Variants in GNG7 observed in about 807,000 individuals in gnomAD.
The protein encoded by GNG7 is guanine nucleotide-binding protein G(I)/G(S)/G(O) subunit gamma-7.
In GNG7, 1 loss-of-function variant was observed where a neutral mutation model predicts 4.0. That is an observed-to-expected ratio of 0.25 (90% confidence interval 0.09 to 1.18). GNG7 has a LOEUF of 1.18. Ranked by LOEUF, GNG7 falls within the 50% of genes most tolerant of loss-of-function variation. The pLI, the probability that GNG7 is intolerant of heterozygous loss-of-function variation, is 0.50. For synonymous variants in GNG7, 34 were observed against 36.9 expected (o/e 0.92, Z 0.29); for missense variants, 86 against 91.9 (o/e 0.94, Z 0.26).
intron 1 of GNG7, among the ~76,000 whole-genome samples, chr19:2,696,356 A>AAAAG (rs1310428837): frequency 6.8e-6 from 1 of 146,716 alleles, no homozygotes; most frequent in African/African-American, 2.7e-5. Context: ...GAAAAGAAAG[A>AAAAG]AAAGAAAGAA....
chr19:2,592,975 GGAGA>G (rs1453213156), intron 2 of GNG7, among the ~76,000 whole-genome samples: 1 of 145,108 alleles, frequency 6.9e-6, no homozygotes, highest in Non-Finnish European at 1.5e-5. Context: ...AGGGAGGGAG[GGAGA>G]GAGGGACGGA....
At chr19:2,594,489 G>A (rs1980956326) in intron 2 of GNG7, among the ~76,000 whole-genome samples, 1 of 152,016 alleles carries the variant, frequency 6.6e-6, no homozygotes, top group Non-Finnish European at 1.5e-5. Flanking sequence ...ACATATAGTG[G>A]AAAATTTCAA....
chr19:2,638,908 T>TA (rs1282650329), intron 2 of GNG7, among the ~76,000 whole-genome samples: 1 of 151,694 alleles, frequency 6.6e-6, no homozygotes, highest in African/African-American at 2.4e-5. Context: ...AAGAGATCCA[T>TA]AAAAAAAACA....
At chr19:2,586,984 CAAAAAAAAA>C (rs756891397) in intron 2 of GNG7, among the ~76,000 whole-genome samples, 231 of 48,750 alleles carry the variant, frequency 4.7e-3, no homozygotes, top group African/African-American at 0.016. Flanking sequence ...GACTCCATCT[CAAAAAAAAA>C]AAAAAAAAAA....
intron 2 of GNG7, among the ~76,000 whole-genome samples, chr19:2,574,104 G>A (rs1163883328): frequency 1.3e-5 from 2 of 152,176 alleles, no homozygotes; most frequent in Non-Finnish European, 2.9e-5. Flanking sequence ...CTGGGCTGGT[G>A]CAGTCCAGGT....
chr19:2,583,561 C>T (rs1192228739), intron 2 of GNG7, among the ~76,000 whole-genome samples: 1 of 152,228 alleles, frequency 6.6e-6, no homozygotes, highest in Non-Finnish European at 1.5e-5. Context: ...GCATTCCCAC[C>T]TTCTAGAGTG....
intron 3 of GNG7, among the ~76,000 whole-genome samples, chr19:2,529,248 A>C (rs945105551): frequency 6.6e-6 from 1 of 151,956 alleles, no homozygotes; most frequent in African/African-American, 2.4e-5. Context: ...ATGATGGCTC[A>C]CTCTGTCGCC....
intron 3 of GNG7, among the ~76,000 whole-genome samples, chr19:2,539,628 C>T (rs1202727248): frequency 6.6e-6 from 1 of 152,008 alleles, no homozygotes; most frequent in Non-Finnish European, 1.5e-5. Flanking sequence ...TAGACACATA[C>T]GATATCCAAT....
intron 4 of GNG7, among the ~76,000 whole-genome samples, chr19:2,515,665 A>G (rs1049392181): frequency 7.2e-5 from 11 of 151,772 alleles, no homozygotes; most frequent in African/African-American, 2.7e-4. Context: ...TGACCTCGCG[A>G]TATGCCTGCC....
intron 1 of GNG7, among the ~76,000 whole-genome samples, 173 bp from the exon 2 acceptor site, chr19:2,646,453 C>T (rs979730885): frequency 5.3e-5 from 8 of 152,248 alleles, no homozygotes; most frequent in African/African-American, 1.9e-4. Context: ...TTTGGGAGGC[C>T]AAGGCAGGTG....
intron 2 of GNG7, among the ~76,000 whole-genome samples, chr19:2,590,370 G>A (rs1373812985): frequency 6.6e-6 from 1 of 152,130 alleles, no homozygotes; most frequent in Non-Finnish European, 1.5e-5. Context: ...GCTTAGAAAT[G>A]GTAGAATTGT....
intron 2 of GNG7, among the ~76,000 whole-genome samples, chr19:2,603,121 C>G (rs543629488): frequency 6.6e-6 from 1 of 151,934 alleles, no homozygotes; most frequent in East Asian, 1.9e-4. Flanking sequence ...GGCTGGAGCA[C>G]AATAGCACAG....
intron 2 of GNG7, among the ~76,000 whole-genome samples, chr19:2,588,074 G>A (rs191656485): frequency 2.6e-5 from 4 of 152,326 alleles, no homozygotes; most frequent in Admixed American, 6.5e-5. Context: ...ATTGGAGCAA[G>A]AGAAGAAAAA....
chr19:2,536,144 G>A (rs960178040), intron 3 of GNG7, among the ~76,000 whole-genome samples: 10 of 152,064 alleles, frequency 6.6e-5, no homozygotes, highest in East Asian at 3.9e-4. Flanking sequence ...AAGGCCGGGC[G>A]CGGTGGCTCC....
Position 2,512,370 on chromosome 19 carries a change from A to G in GNG7, c.*2652T>C. ...CTACTCAAGAAAAAAAAAAGTGGAG[A>G]ATTTTTTTTTTAATCCCCCAAGCTA... On this transcript the variant is annotated 3_prime_UTR_variant, in exon 5 of 5. Coordinates refer to ENST00000382159, the MANE Select transcript of GNG7 (RefSeq NM_052847.3). This position sits in a 1 kb window ranked among gnomAD's most constrained non-coding sequence, Gnocchi z 4.7. The G allele has an allele frequency of 1.0e-6, 1 of 984,764 alleles. No individual in the cohort carries two copies. The highest frequency in any genetic ancestry group is 5.2e-4 in the Middle Eastern group (1 of 1,916). The allele number at this position is 984,764 out of a possible 1,614,324, so 61.0% of individuals were successfully genotyped here.
At chr19:2,586,984 CAAAAAA>C (rs756891397) in intron 2 of GNG7, among the ~76,000 whole-genome samples, 2 of 48,734 alleles carry the variant, frequency 4.1e-5, no homozygotes, top group African/African-American at 1.5e-4. Context: ...GACTCCATCT[CAAAAAA>C]AAAAAAAAAA....
In GNG7 at chr19:2,520,628, C is replaced by T. The variant is rs751743205; in HGVS notation, c.61G>A (p.Ala21Thr). Residue 21 changes from alanine (A) to threonine (T), a missense_variant, in exon 4 of 5, where the codon GCC (alanine) becomes ACC (threonine). Ala to Thr is a moderately conservative substitution (Grantham distance 58, BLOSUM62 0). Transcript: ENST00000382159. ...CTCACCTTGATGCGCTCAATCCCGG[C>T]TTCTATGCGTAGCTGTTCCACCAGC... is the stretch of plus-strand genomic sequence containing the variant. ...RKLVEQLRIE[A>T]GIERIKVSKA... is the part of the protein sequence containing the mutation. The T allele has an allele frequency of 2.8e-5, 44 of 1,550,604 alleles. No homozygotes were observed. In the South Asian group the frequency reaches 4.9e-4, roughly 17 times the overall value.
intron 2 of GNG7, among the ~76,000 whole-genome samples, chr19:2,592,782 AGGGAGGGAG>A (rs1980885005): frequency 1.2e-5 from 1 of 83,628 alleles, no homozygotes; most frequent in African/African-American, 4.7e-5. Flanking sequence ...AAGGAAGGAG[AGGGAGGGAG>A]GGAAGAGAGA....
intron 1 of GNG7, among the ~76,000 whole-genome samples, chr19:2,663,302 T>C (rs894089132): frequency 1.3e-5 from 2 of 152,078 alleles, no homozygotes; most frequent in African/African-American, 4.8e-5. Flanking sequence ...CCCTCATTAA[T>C]GCCATCTCTC....
Sources: gnomAD v4.1 joint callset for allele counts (sites outside exome capture counted in the v4.1 genomes callset) on GRCh38, gnomAD v4.1.1 for gene constraint, Gnocchi (gnomAD v3.1) non-coding constraint, MANE v1.5 for transcripts, NCBI Gene and HGNC (gene_info 2026-07-23, HGNC 2026-07-21) for gene names.